Variants in FSTL5 observed in about 807,000 individuals in gnomAD.
The protein encoded by FSTL5 is follistatin like 5, also known as follistatin-related protein 5.
FSTL5 carries 62 observed loss-of-function variants against 89.1 expected under a neutral mutation model. The ratio of observed to expected loss-of-function variants is 0.70; its 90% CI spans 0.57 to 0.86. The LOEUF (loss-of-function observed/expected upper bound fraction) is 0.86, where lower values mean the gene tolerates loss of function less well. FSTL5 is among the 40% of genes least tolerant of loss of function. The pLI, the probability that FSTL5 is intolerant of heterozygous loss-of-function variation, is 0.00. For synonymous variants in FSTL5, 383 were observed against 346.2 expected, an observed-to-expected ratio of 1.11 and a Z score of -1.18; for missense variants, 1,057 against 1,001.6, an observed-to-expected ratio of 1.06 and a Z score of -0.75.
At chr4:161,790,657 T>C (rs905722134) in intron 4 of FSTL5, among the ~76,000 whole-genome samples, 2 of 152,188 alleles carry the variant, frequency 1.3e-5, no homozygotes, top group African/African-American at 4.8e-5. Flanking sequence ...GCTAATAACA[T>C]TTAAAAAGTA....
At chr4:161,780,922 TC>T (rs1462886737) in intron 4 of FSTL5, among the ~76,000 whole-genome samples, 3 of 152,132 alleles carry the variant, frequency 2.0e-5, no homozygotes, top group Non-Finnish European at 1.5e-5. Context: ...CCAATTCCCT[TC>T]AACACAAAAG....
At chr4:161,672,946 C>T (rs894540116) in intron 6 of FSTL5, among the ~76,000 whole-genome samples, 3 of 151,828 alleles carry the variant, frequency 2.0e-5, no homozygotes. Context: ...ATATCACTGC[C>T]TTGAAACTGC....
chr4:161,752,226 C>CAGATAGATAGATAGATAGATAGAT, intron 6 of FSTL5, among the ~76,000 whole-genome samples: 1 of 138,982 alleles, frequency 7.2e-6, no homozygotes, highest in Non-Finnish European at 1.5e-5. Flanking sequence ...GATAGATGGA[C>CAGATAGATAGATAGATAGATAGAT]AGATAGATAG....
chr4:161,398,485 C>CTT (rs1314996969), intron 15 of FSTL5, among the ~76,000 whole-genome samples: 1 of 152,028 alleles, frequency 6.6e-6, no homozygotes. Flanking sequence ...GCTCCATCGT[C>CTT]CTAAAGAGAA....
intron 2 of FSTL5, among the ~76,000 whole-genome samples, chr4:162,064,045 T>C (rs1738806911): frequency 6.6e-6 from 1 of 151,986 alleles, no homozygotes; most frequent in Non-Finnish European, 1.5e-5. Flanking sequence ...TTACATTTTT[T>C]TTCTATCTTC....
chr4:161,433,730 C>T (rs184039042), intron 15 of FSTL5, among the ~76,000 whole-genome samples: 138 of 152,112 alleles, frequency 9.1e-4, no homozygotes, highest in African/African-American at 2.9e-3. Context: ...AAAAAGTCAA[C>T]ATACAAAATC....
intron 3 of FSTL5, among the ~76,000 whole-genome samples, chr4:162,015,801 A>G (rs891667527): frequency 2.0e-5 from 3 of 152,256 alleles, no homozygotes; most frequent in Non-Finnish European, 2.9e-5. Flanking sequence ...TGTACTTGCC[A>G]TAAAATAGCA....
At chr4:161,496,204 TG>T (rs948566192) in intron 12 of FSTL5, among the ~76,000 whole-genome samples, 12 of 152,184 alleles carry the variant, frequency 7.9e-5, no homozygotes, top group Admixed American at 6.5e-4. Flanking sequence ...AAATGTTTCT[TG>T]GCCTGTCATA....
At chr4:161,691,967 A>C (rs1393320945) in intron 6 of FSTL5, among the ~76,000 whole-genome samples, 2 of 152,082 alleles carry the variant, frequency 1.3e-5, no homozygotes, top group Non-Finnish European at 2.9e-5. Flanking sequence ...GTATATACAC[A>C]ATATGTATAT....
Position 161,641,552 on chromosome 4 carries a change from C to T in FSTL5, c.894+14776G>A, listed in dbSNP as rs149428550. 8.0e-3 allele frequency among the ~76,000 whole-genome samples: 1,175 copies of T among 146,554 alleles called. 10 individuals are homozygous for T. The highest frequency in any genetic ancestry group is 0.027 in the African/African-American group (1,074 of 39,960). On this transcript the variant is annotated intron_variant, in intron 7 of 15. Coordinates refer to ENST00000306100, the MANE Select transcript of FSTL5 (RefSeq NM_020116.5). ...CTGTTGCCAGCCTGGAGTGCAGTGG[C>T]GCGATCTCGGCTCACTGTAACCTCC...
intron 4 of FSTL5, among the ~76,000 whole-genome samples, chr4:161,781,532 T>C (rs921620140): frequency 6.6e-5 from 10 of 152,162 alleles, no homozygotes; most frequent in Admixed American, 3.3e-4. Context: ...CATTAGAACA[T>C]AGTACATTTA....
intron 4 of FSTL5, among the ~76,000 whole-genome samples, chr4:161,841,707 C>T (rs1731216650): frequency 6.6e-6 from 1 of 152,098 alleles, no homozygotes; most frequent in Non-Finnish European, 1.5e-5. Flanking sequence ...GTATTAATTG[C>T]TGATCCTAAT....
intron 3 of FSTL5, among the ~76,000 whole-genome samples, chr4:161,921,812 T>C (rs1366013132): frequency 6.6e-6 from 1 of 152,042 alleles, no homozygotes; most frequent in Non-Finnish European, 1.5e-5. Flanking sequence ...AGTTTCCTCA[T>C]CTGTAAAATA....
chr4:161,742,422 T>C (rs11734022), intron 6 of FSTL5, among the ~76,000 whole-genome samples: 83,855 of 152,014 alleles, frequency 0.55, 26,704 homozygotes, highest in Non-Finnish European at 0.71. Flanking sequence ...TTTTAAATTG[T>C]TTAGGGGAAC....
chr4:161,556,846 G>A (rs868128699), intron 8 of FSTL5, among the ~76,000 whole-genome samples: 6,355 of 138,798 alleles, frequency 0.046, 232 homozygotes, highest in Non-Finnish European at 0.076. Flanking sequence ...GTGTGTGTGT[G>A]TATATATATA....
chr4:161,812,835 G>C (rs938864389), intron 4 of FSTL5, among the ~76,000 whole-genome samples: 7 of 108,172 alleles, frequency 6.5e-5, no homozygotes, highest in African/African-American at 2.4e-4. Flanking sequence ...AAATCTTTAA[G>C]GTATAAGGGA....
intron 4 of FSTL5, among the ~76,000 whole-genome samples, chr4:161,852,486 C>G (rs989612820): frequency 6.6e-6 from 1 of 152,078 alleles, no homozygotes; most frequent in Non-Finnish European, 1.5e-5. Context: ...GTGGTGGAGA[C>G]TAAGGAATGG....
chr4:161,611,546 A>G (rs958884322), intron 7 of FSTL5, among the ~76,000 whole-genome samples: 1 of 152,090 alleles, frequency 6.6e-6, no homozygotes, highest in African/African-American at 2.4e-5. Flanking sequence ...TTTATATAAT[A>G]TAATACCTAT....
At chr4:161,634,331 C>T (rs1357561558) in intron 7 of FSTL5, among the ~76,000 whole-genome samples, 4 of 152,128 alleles carry the variant, frequency 2.6e-5, no homozygotes, top group African/African-American at 9.7e-5. Context: ...CAAAAGATAG[C>T]CCTCTATTTG....
Sources: allele counts gnomAD v4.1 joint callset (sites outside exome capture counted in the v4.1 genomes callset), GRCh38; gene constraint gnomAD v4.1.1; transcripts MANE v1.5; gene names NCBI Gene and HGNC (gene_info 2026-07-23, HGNC 2026-07-21).